B3GALT1: variants seen among roughly 807,000 people sequenced by gnomAD.
The protein encoded by B3GALT1 is beta-1,3-galactosyltransferase 1, also known as UDP-Gal:betaGlcNAc beta 1,3-galactosyltransferase, polypeptide 1.
A neutral mutation model predicts 23.2 loss-of-function variants in B3GALT1; 10 were observed. The observed-to-expected ratio is 0.43, with a 90% confidence interval of 0.27 to 0.73. B3GALT1 has a LOEUF of 0.73. Ranked by LOEUF, B3GALT1 falls within the 30% of genes least tolerant of loss-of-function variation. B3GALT1 has a pLI of 0.21. For synonymous variants in B3GALT1, 156 were observed against 141.5 expected, an observed-to-expected ratio of 1.10 and a Z score of -0.73; for missense variants, 299 against 405.4, an observed-to-expected ratio of 0.74 and a Z score of 2.25.
At chr2:167,506,402 A>G (rs1228155216) in intron 2 of B3GALT1, among the ~76,000 whole-genome samples, 1 of 152,238 alleles carries the variant, frequency 6.6e-6, no homozygotes, top group East Asian at 1.9e-4. Context: ...GATTTAGAAT[A>G]CAATTTGGTT....
At chr2:167,668,820 G>T (rs142678803) in intron 3 of B3GALT1, among the ~76,000 whole-genome samples, 2 of 152,130 alleles carry the variant, frequency 1.3e-5, no homozygotes, top group Non-Finnish European at 1.5e-5. Flanking sequence ...CGCACGGTGC[G>T]TGCACCCACT....
intron 1 of B3GALT1, among the ~76,000 whole-genome samples, chr2:167,420,758 C>T (rs541742492): frequency 6.6e-6 from 1 of 152,310 alleles, no homozygotes; most frequent in African/African-American, 2.4e-5. Flanking sequence ...TCAGAACATA[C>T]ATAGTCATTG....
At chr2:167,620,947 A>G (rs1055194902) in intron 2 of B3GALT1, among the ~76,000 whole-genome samples, 6 of 152,056 alleles carry the variant, frequency 3.9e-5, no homozygotes, top group South Asian at 2.1e-4. Context: ...GAGAGCCTCA[A>G]AAAGATATTC....
chr2:167,404,674 C>T (rs914285673), intron 1 of B3GALT1, among the ~76,000 whole-genome samples: 1 of 152,162 alleles, frequency 6.6e-6, no homozygotes, highest in Admixed American at 6.5e-5. Context: ...ATTCTTCATT[C>T]AGTACAGTTT....
chr2:167,573,849 A>G (rs1010860315), intron 2 of B3GALT1, among the ~76,000 whole-genome samples: 1 of 151,640 alleles, frequency 6.6e-6, no homozygotes, highest in Non-Finnish European at 1.5e-5. Flanking sequence ...ATAATCTGAC[A>G]AGGTGCAATT....
intron 1 of B3GALT1, among the ~76,000 whole-genome samples, chr2:167,440,733 G>T (rs1698876063): frequency 2.0e-5 from 3 of 151,474 alleles, no homozygotes; most frequent in Admixed American, 1.3e-4. Context: ...TAGAATGACT[G>T]TTTTGCTAGT....
At chr2:167,713,628 T>C in intron 3 of B3GALT1, 1 of 1,169,492 alleles carries the variant, frequency 8.6e-7, no homozygotes, top group Non-Finnish European at 1.2e-6. Flanking sequence ...TCAGTCAAAG[T>C]TGCTTTTGAA....
intron 1 of B3GALT1, among the ~76,000 whole-genome samples, chr2:167,441,495 C>G (rs2105313221): frequency 6.6e-6 from 1 of 152,256 alleles, no homozygotes; most frequent in South Asian, 2.1e-4. Flanking sequence ...TGTTTTTATA[C>G]TGTTGTGAGT....
intron 1 of B3GALT1, among the ~76,000 whole-genome samples, chr2:167,340,313 G>GAAAAAAAAA (rs773710953): frequency 1.1e-5 from 1 of 87,394 alleles, no homozygotes; most frequent in African/African-American, 4.2e-5. Context: ...GGTACAGGGA[G>GAAAAAAAAA]AAAAAAAAAA....
At chr2:167,532,195 G>A (rs931879219) in intron 2 of B3GALT1, among the ~76,000 whole-genome samples, 1 of 152,064 alleles carries the variant, frequency 6.6e-6, no homozygotes, top group African/African-American at 2.4e-5. Context: ...CTATTGGGAT[G>A]CTAGCATATG....
chr2:167,694,603 G>C (rs1686765002), intron 3 of B3GALT1, among the ~76,000 whole-genome samples: 1 of 152,000 alleles, frequency 6.6e-6, no homozygotes, highest in African/African-American at 2.4e-5. Flanking sequence ...AAGTTGGCTA[G>C]GCCTTTTCTG....
At chr2:167,362,162 A>T (rs905096404) in intron 1 of B3GALT1, among the ~76,000 whole-genome samples, 3 of 152,102 alleles carry the variant, frequency 2.0e-5, no homozygotes, top group Non-Finnish European at 4.4e-5. Context: ...TGTATTCTAC[A>T]TTTCAAAGCT....
At chr2:167,513,041 A>G (rs67697939) in intron 2 of B3GALT1, among the ~76,000 whole-genome samples, 54,798 of 141,488 alleles carry the variant, frequency 0.39, 11,783 homozygotes, top group East Asian at 0.88. Flanking sequence ...CAGAATTCAC[A>G]ACACTATATA....
At chr2:167,672,980 C>G (rs1686359012) in intron 3 of B3GALT1, among the ~76,000 whole-genome samples, 1 of 143,912 alleles carries the variant, frequency 6.9e-6, no homozygotes, top group Admixed American at 7.2e-5. Context: ...GAGAGAGAGA[C>G]TGTGTGTGTG....
At chr2:167,333,860 A>G (rs1278323563) in intron 1 of B3GALT1, among the ~76,000 whole-genome samples, 3 of 152,196 alleles carry the variant, frequency 2.0e-5, no homozygotes, top group East Asian at 3.9e-4. Context: ...AAAAAGGCTT[A>G]GAGAAAAAAC....
chr2:167,829,493 AAAAAG>A (rs201675727), intron 4 of B3GALT1, among the ~76,000 whole-genome samples: 1,645 of 152,036 alleles, frequency 0.011, 37 homozygotes, highest in African/African-American at 0.038. Flanking sequence ...AAGGAAAAAA[AAAAAG>A]AAAAGAAGAA....
At chr2:167,312,507 A>T (rs754633266) in intron 1 of B3GALT1, among the ~76,000 whole-genome samples, 1 of 152,036 alleles carries the variant, frequency 6.6e-6, no homozygotes, top group African/African-American at 2.4e-5. Context: ...AAGAACACTC[A>T]GTCTAAAAGA....
chr2:167,850,816 G>A (rs1355775696), intron 4 of B3GALT1, among the ~76,000 whole-genome samples: 1 of 152,076 alleles, frequency 6.6e-6, no homozygotes, highest in Non-Finnish European at 1.5e-5. Context: ...GGACTTGGGG[G>A]GAAGAGTGGG....
intron 3 of B3GALT1, among the ~76,000 whole-genome samples, chr2:167,818,326 G>A (rs569441659): frequency 6.6e-6 from 1 of 152,228 alleles, no homozygotes; most frequent in South Asian, 2.1e-4. Context: ...GACCTGAGCA[G>A]TAGCTGCCCC....
Sources: allele counts gnomAD v4.1 joint callset (sites outside exome capture counted in the v4.1 genomes callset), GRCh38; gene constraint gnomAD v4.1.1; transcripts MANE v1.5; gene names NCBI Gene and HGNC (gene_info 2026-07-23, HGNC 2026-07-21).